The following SUPT3H variants were observed in gnomAD, a reference collection of about 807,000 sequenced individuals.
SUPT3H encodes the protein transcription initiation protein SPT3 homolog.
Under a neutral mutation model 44.3 loss-of-function variants are expected in SUPT3H, and 44 were observed. The ratio of observed to expected loss-of-function variants is 0.99; its 90% CI spans 0.78 to 1.28. The LOEUF is 1.28. SUPT3H is among the 50% of genes most tolerant of loss of function. SUPT3H has a pLI of 0.00. For missense variants in SUPT3H, 380 were observed against 387.1 expected, an observed-to-expected ratio of 0.98 and a Z score of 0.15; for synonymous variants, 124 against 125.6, an observed-to-expected ratio of 0.99 and a Z score of 0.09.
At chr6:45,100,821 A>G (rs1798465749) in intron 3 of SUPT3H, among the ~76,000 whole-genome samples, 1 of 152,194 alleles carries the variant, frequency 6.6e-6, no homozygotes, top group Non-Finnish European at 1.5e-5. Context: ...TAGAATTACC[A>G]TATGATCCAG....
chr6:44,846,034 T>C (rs990280195), intron 10 of SUPT3H, among the ~76,000 whole-genome samples: 10 of 152,142 alleles, frequency 6.6e-5, no homozygotes, highest in Admixed American at 6.5e-4. Context: ...CTGTAAACGT[T>C]CACCCCTAGA....
At chr6:44,897,151 T>C (rs1206277804) in intron 10 of SUPT3H, among the ~76,000 whole-genome samples, 2 of 152,182 alleles carry the variant, frequency 1.3e-5, no homozygotes, top group Non-Finnish European at 1.5e-5. Flanking sequence ...GTAGATTAGT[T>C]AGTGTGGGCT....
At chr6:45,018,054 T>C (rs1784564691) in intron 4 of SUPT3H, among the ~76,000 whole-genome samples, 1 of 152,072 alleles carries the variant, frequency 6.6e-6, no homozygotes, top group South Asian at 2.1e-4. Context: ...CTTGAAGAGG[T>C]CCTTCATGTC....
At chr6:44,907,097 T>A (rs1461331946) in intron 10 of SUPT3H, among the ~76,000 whole-genome samples, 1 of 152,232 alleles carries the variant, frequency 6.6e-6, no homozygotes, top group African/African-American at 2.4e-5. Flanking sequence ...TAGAAAACTA[T>A]TTGTTATTTT....
At position 44,815,947 on chromosome 6, in the gene SUPT3H, A is replaced by C. The variant is rs111911939; in HGVS notation, c.*53-6446T>G. On this transcript the variant is annotated intron_variant and NMD_transcript_variant, in intron 11 of 11. Transcript: ENST00000475057. ...AATACTACATCAAAGAGCACAATAC[A>C]CAAGTTTTCAAGTGCATATGCACAT... Among the ~76,000 whole-genome samples the C allele has an allele frequency of 9.0e-3, 1,375 of 152,172 alleles. 13 individuals are homozygous for C. The highest frequency in any genetic ancestry group is 0.025 in the South Asian group (121 of 4,818).
intron 6 of SUPT3H, among the ~76,000 whole-genome samples, chr6:44,988,363 T>C (rs1043621863): frequency 1.3e-5 from 2 of 151,462 alleles, no homozygotes; most frequent in Non-Finnish European, 2.9e-5. Flanking sequence ...CTAACTACTA[T>C]GCAACAAAAC....
chr6:45,087,923 C>T (rs756936548), intron 3 of SUPT3H, among the ~76,000 whole-genome samples: 4 of 151,888 alleles, frequency 2.6e-5, no homozygotes, highest in Non-Finnish European at 5.9e-5. Flanking sequence ...TCTTAGGACT[C>T]GAAGATCATT....
chr6:44,965,185 G>T (rs1023397055), intron 6 of SUPT3H, among the ~76,000 whole-genome samples: 1 of 152,182 alleles, frequency 6.6e-6, no homozygotes, highest in East Asian at 1.9e-4. Flanking sequence ...CTAATGAAGA[G>T]TGTAGAAACT....
chr6:45,072,522 C>CTT (rs2153553702), intron 3 of SUPT3H, among the ~76,000 whole-genome samples: 1 of 152,184 alleles, frequency 6.6e-6, no homozygotes, highest in East Asian at 1.9e-4. Flanking sequence ...ACCTTGGCTT[C>CTT]AGATAGTCTA....
intron 2 of SUPT3H, among the ~76,000 whole-genome samples, chr6:45,238,606 G>T (rs1003836781): frequency 6.6e-6 from 1 of 152,130 alleles, no homozygotes. Context: ...TAATTTTTCC[G>T]ACTCAGCATT....
intron 2 of SUPT3H, chr6:45,328,472 C>G (rs763766869): frequency 6.7e-7 from 1 of 1,485,320 alleles, no homozygotes; most frequent in Non-Finnish European, 9.1e-7. Flanking sequence ...TGAGTGCTCT[C>G]TAACCACAGT....
chr6:45,017,610 C>G (rs1784490503), intron 4 of SUPT3H, among the ~76,000 whole-genome samples: 1 of 151,578 alleles, frequency 6.6e-6, no homozygotes, highest in African/African-American at 2.4e-5. Context: ...GGAATCCTTT[C>G]CCCATTGCTT....
Position 44,835,406 on chromosome 6 carries a change from G to C in SUPT3H, c.913-5549C>G, listed in dbSNP as rs146397823. On this transcript the variant is annotated intron_variant, in intron 10 of 10. Coordinates refer to ENST00000371459, the MANE Select transcript of SUPT3H (RefSeq NM_003599.4). ...GCCACAGGAGCTGCCCTGTCACCAA[G>C]AGCCTGGGGTTTTCCAAATTCTTCA... 1.2e-4 allele frequency among the ~76,000 whole-genome samples: 19 copies of C among 152,240 alleles called. No homozygotes were observed. The East Asian group carries it at 3.7e-3, about 30-fold the overall frequency.
At chr6:45,014,648 G>A (rs1783974303) in intron 5 of SUPT3H, among the ~76,000 whole-genome samples, 153 bp downstream of exon 5, 1 of 152,068 alleles carries the variant, frequency 6.6e-6, no homozygotes, top group Non-Finnish European at 1.5e-5. Context: ...TGTTTTATCA[G>A]AAATATATAC....
At chr6:44,953,255 C>A (rs1774588740) in intron 9 of SUPT3H, 55 bp downstream of exon 9, 3 of 1,321,868 alleles carry the variant, frequency 2.3e-6, no homozygotes, top group Non-Finnish European at 3.3e-6. Context: ...AATGTAAATA[C>A]CAGATATGTG....
At position 44,942,028 on chromosome 6, in the gene SUPT3H, T is replaced by C. The variant is rs551513782; in HGVS notation, c.802-9265A>G. On this transcript the variant is annotated intron_variant, in intron 9 of 10. Coordinates refer to ENST00000371459, the MANE Select transcript of SUPT3H (RefSeq NM_003599.4). ...TAATACTTTCCTCAGGAAAACTTTG[T>C]TGTAAAATAACTCCAATTTAATAGT... is the stretch of plus-strand genomic sequence containing the variant. Among the ~76,000 whole-genome samples the C allele has an allele frequency of 2.0e-4, 30 of 152,294 alleles. No homozygotes were observed. In the South Asian group the frequency reaches 6.0e-3, roughly 30 times the overall value.
At chr6:44,945,229 T>G (rs1014834902) in intron 9 of SUPT3H, among the ~76,000 whole-genome samples, 9 of 152,204 alleles carry the variant, frequency 5.9e-5, no homozygotes, top group African/African-American at 2.2e-4. Flanking sequence ...TGACTAGCTG[T>G]TCCTCCATCT....
At chr6:45,028,359 C>T (rs1450150490) in intron 3 of SUPT3H, among the ~76,000 whole-genome samples, 1 of 152,112 alleles carries the variant, frequency 6.6e-6, no homozygotes, top group Admixed American at 6.5e-5. Flanking sequence ...CTTCTTTCTT[C>T]AGAGGAACCT....
intron 2 of SUPT3H, among the ~76,000 whole-genome samples, chr6:45,342,640 C>T (rs1053480577): frequency 3.3e-5 from 5 of 152,246 alleles, no homozygotes; most frequent in Middle Eastern, 3.4e-3. Flanking sequence ...AAGGTTTACA[C>T]AGTAGCAGGA....
Sources: allele counts gnomAD v4.1 joint callset (sites outside exome capture counted in the v4.1 genomes callset), GRCh38; gene constraint gnomAD v4.1.1; transcripts MANE v1.5; gene names NCBI Gene and HGNC (gene_info 2026-07-23, HGNC 2026-07-21).